The following CRIM1 variants were observed in gnomAD, a reference collection of about 807,000 sequenced individuals.
The protein encoded by CRIM1 is cysteine rich transmembrane BMP regulator 1.
In CRIM1, 32 loss-of-function variants were observed where a neutral mutation model predicts 116.4. That is an observed-to-expected ratio of 0.27 (90% confidence interval 0.21 to 0.37). The LOEUF (loss-of-function observed/expected upper bound fraction) is 0.37, where lower values mean the gene tolerates loss of function less well. CRIM1 is among the 10% of genes least tolerant of loss of function. The probability of loss-of-function intolerance (pLI) is 1.00; values close to 1 mark genes in which losing one functional copy is unlikely to be tolerated. For synonymous variants in CRIM1, 590 were observed against 509.2 expected, an observed-to-expected ratio of 1.16 and a Z score of -2.13; for missense variants, 1,331 against 1,354.8, an observed-to-expected ratio of 0.98 and a Z score of 0.28.
At chr2:36,419,525 C>T (rs1673892094) in intron 2 of CRIM1, among the ~76,000 whole-genome samples, 1 of 152,222 alleles carries the variant, frequency 6.6e-6, no homozygotes, top group Non-Finnish European at 1.5e-5. Context: ...AGGCCATTCA[C>T]ATTCCATGTT....
chr2:36,397,211 G>C (rs546544233), intron 2 of CRIM1, among the ~76,000 whole-genome samples: 44 of 152,330 alleles, frequency 2.9e-4, no homozygotes, highest in African/African-American at 9.1e-4. Context: ...ATTATGCAGT[G>C]ATGATTGAAG....
At chr2:36,371,744 C>G (rs1669959013) in intron 1 of CRIM1, among the ~76,000 whole-genome samples, 1 of 152,174 alleles carries the variant, frequency 6.6e-6, no homozygotes, top group Non-Finnish European at 1.5e-5. Flanking sequence ...ATCTTTCATT[C>G]ACTAACCCCT....
At chr2:36,456,283 C>G (rs1487953335) in intron 4 of CRIM1, among the ~76,000 whole-genome samples, 1 of 152,184 alleles carries the variant, frequency 6.6e-6, no homozygotes, top group African/African-American at 2.4e-5. Flanking sequence ...CAGCTTAGTA[C>G]CTGCTGCATG....
chr2:36,442,843 G>T (rs913479924), intron 4 of CRIM1, 108 bp downstream of exon 4: 2 of 1,295,384 alleles, frequency 1.5e-6, no homozygotes, highest in South Asian at 1.3e-5. Flanking sequence ...GTCCTTTCCT[G>T]TTTCTCTGGA....
At chr2:36,470,528 A>C (rs186193998) in intron 5 of CRIM1, among the ~76,000 whole-genome samples, 4 of 152,254 alleles carry the variant, frequency 2.6e-5, no homozygotes, top group Admixed American at 2.0e-4. Context: ...TGCTAAATCT[A>C]CTCTGCCTGT....
chr2:36,486,999 T>A (rs919166687), intron 7 of CRIM1, among the ~76,000 whole-genome samples: 2 of 152,168 alleles, frequency 1.3e-5, no homozygotes, highest in African/African-American at 4.8e-5. Context: ...AAGAAAAGAT[T>A]CCATCTTCTT....
intron 4 of CRIM1, among the ~76,000 whole-genome samples, chr2:36,446,227 A>G (rs1233593396): frequency 4.6e-5 from 7 of 152,050 alleles, no homozygotes; most frequent in East Asian, 3.9e-4. Context: ...TTCCCATCCA[A>G]ATGGAATTGC....
At chr2:36,476,187 C>T (rs1053193815) in intron 5 of CRIM1, among the ~76,000 whole-genome samples, 1 of 151,892 alleles carries the variant, frequency 6.6e-6, no homozygotes, top group Non-Finnish European at 1.5e-5. Flanking sequence ...CAGAACATAA[C>T]CCTGAAGCAC....
chr2:36,370,003 A>G (rs900731985), intron 1 of CRIM1, among the ~76,000 whole-genome samples: 3 of 152,248 alleles, frequency 2.0e-5, no homozygotes, highest in African/African-American at 4.8e-5. Context: ...TGACTGTAGT[A>G]TCTACTCTGT....
chr2:36,404,497 G>T (rs775997170), intron 2 of CRIM1, among the ~76,000 whole-genome samples: 1 of 152,182 alleles, frequency 6.6e-6, no homozygotes, highest in Non-Finnish European at 1.5e-5. Context: ...ACCGCTTTCA[G>T]TTTAGAGCTG....
At chr2:36,423,975 T>C (rs1377515649) in intron 2 of CRIM1, among the ~76,000 whole-genome samples, 1 of 151,968 alleles carries the variant, frequency 6.6e-6, no homozygotes, top group African/African-American at 2.4e-5. Flanking sequence ...GGTACGTAGG[T>C]AGGTGGATAG....
intron 4 of CRIM1, among the ~76,000 whole-genome samples, chr2:36,455,915 A>G (rs1677097838): frequency 6.6e-6 from 1 of 152,160 alleles, no homozygotes; most frequent in South Asian, 2.1e-4. Flanking sequence ...TTGGAGGATG[A>G]GAGACAATAC....
chr2:36,459,236 C>T (rs570927934), intron 4 of CRIM1, among the ~76,000 whole-genome samples: 13 of 152,274 alleles, frequency 8.5e-5, no homozygotes, highest in Admixed American at 2.6e-4. Flanking sequence ...TCTGGAGCCG[C>T]TCCCCAAACC....
intron 1 of CRIM1, among the ~76,000 whole-genome samples, chr2:36,366,859 G>A (rs1669639143): frequency 6.6e-6 from 1 of 152,210 alleles, no homozygotes; most frequent in African/African-American, 2.4e-5. Flanking sequence ...GCTACCTTGA[G>A]GATGTTTGAC....
At chr2:36,533,917 GGAAGGAAA>G (rs1401763034) in intron 13 of CRIM1, among the ~76,000 whole-genome samples, 1 of 151,152 alleles carries the variant, frequency 6.6e-6, no homozygotes, top group Non-Finnish European at 1.5e-5. Context: ...AGAGAGGAAG[GGAAGGAAA>G]GAAGGAATGA....
intron 16 of CRIM1, among the ~76,000 whole-genome samples, chr2:36,547,842 C>A (rs193053924): frequency 2.0e-5 from 3 of 152,266 alleles, no homozygotes; most frequent in African/African-American, 7.2e-5. Context: ...AAATCATAAT[C>A]CCTTCCAACT....
intron 1 of CRIM1, 72 bp from the exon 2 acceptor site, chr2:36,396,542 C>T (rs771327856): frequency 1.7e-5 from 16 of 946,608 alleles, no homozygotes; most frequent in South Asian, 5.0e-5. Context: ...CATCCCAGTG[C>T]GTTTTTGCCC....
At chr2:36,371,956 T>C (rs911895030) in intron 1 of CRIM1, among the ~76,000 whole-genome samples, 1 of 152,234 alleles carries the variant, frequency 6.6e-6, no homozygotes, top group African/African-American at 2.4e-5. Context: ...ACTTCTGAAT[T>C]CTCAGCTAAT....
intron 7 of CRIM1, among the ~76,000 whole-genome samples, chr2:36,495,459 C>CTTTATTTA (rs1194946014): frequency 1.9e-4 from 27 of 141,006 alleles, no homozygotes; most frequent in East Asian, 4.1e-4. Context: ...CCTCAAGCCT[C>CTTTATTTA]TTTATTTATT....
Sources: gnomAD v4.1 joint callset for allele counts (sites outside exome capture counted in the v4.1 genomes callset) on GRCh38, gnomAD v4.1.1 for gene constraint, MANE v1.5 for transcripts, NCBI Gene and HGNC (gene_info 2026-07-23, HGNC 2026-07-21) for gene names.